The following NCAM1 variants were observed in gnomAD, a reference collection of about 807,000 sequenced individuals.
The protein encoded by NCAM1 is antigen recognized by monoclonal antibody 5.1H11.
In NCAM1, 14 loss-of-function variants were observed where a neutral mutation model predicts 109.8. That is an observed-to-expected ratio of 0.13 (90% CI 0.08 to 0.20). The LOEUF (loss-of-function observed/expected upper bound fraction) is 0.20, where lower values mean the gene tolerates loss of function less well. Ranked by LOEUF, NCAM1 falls within the 10% of genes least tolerant of loss-of-function variation. The probability of loss-of-function intolerance (pLI) is 1.00; values close to 1 mark genes in which losing one functional copy is unlikely to be tolerated. For synonymous variants in NCAM1, 418 were observed against 442.9 expected (o/e 0.94, Z 0.70); for missense variants, 774 against 1,109.9 (o/e 0.70, Z 4.30).
intron 1 of NCAM1, among the ~76,000 whole-genome samples, chr11:113,108,437 T>C (rs1038954039): frequency 1.3e-5 from 2 of 152,194 alleles, no homozygotes; most frequent in Non-Finnish European, 1.5e-5. Context: ...GGTAATTGCT[T>C]TCCCAGATTT....
intron 1 of NCAM1, among the ~76,000 whole-genome samples, chr11:113,164,778 A>G (rs903508067): frequency 6.6e-6 from 1 of 152,010 alleles, no homozygotes; most frequent in African/African-American, 2.4e-5. Flanking sequence ...CACTTCAGAG[A>G]TTTTTATGGA....
chr11:113,011,913 T>A (rs918733263), intron 1 of NCAM1, among the ~76,000 whole-genome samples: 12 of 150,710 alleles, frequency 8.0e-5, no homozygotes, highest in African/African-American at 1.5e-4. Flanking sequence ...GAAAAAAAAA[T>A]TTCTTTTCTT....
chr11:112,982,076 C>T (rs1951168912), intron 1 of NCAM1, among the ~76,000 whole-genome samples: 1 of 151,886 alleles, frequency 6.6e-6, no homozygotes, highest in Non-Finnish European at 1.5e-5. Context: ...AATTGGGATG[C>T]ACTTCCCTAT....
At chr11:112,967,888 A>G in intron 1 of NCAM1, among the ~76,000 whole-genome samples, 1 of 152,216 alleles carries the variant, frequency 6.6e-6, no homozygotes, top group East Asian at 1.9e-4. Flanking sequence ...CCTGAAGGGT[A>G]TATAATTTTG....
At chr11:113,114,820 A>G (rs1555094521) in intron 1 of NCAM1, among the ~76,000 whole-genome samples, 1 of 152,208 alleles carries the variant, frequency 6.6e-6, no homozygotes, top group Admixed American at 6.5e-5. Flanking sequence ...AACAGTTCCT[A>G]TCTCATGGAG....
chr11:113,264,932 TG>T, intron 17 of NCAM1: 1 of 985,738 alleles, frequency 1.0e-6, no homozygotes, highest in Non-Finnish European at 1.2e-6. Flanking sequence ...CCAGGAGTCC[TG>T]GAGACAGCAG....
chr11:113,225,332 T>C (rs1484029963), intron 9 of NCAM1, among the ~76,000 whole-genome samples: 1 of 152,170 alleles, frequency 6.6e-6, no homozygotes, highest in Admixed American at 6.5e-5. Context: ...AAAGGGTATC[T>C]TGATGGAAGA....
chr11:112,969,863 C>T (rs1238287782), intron 1 of NCAM1, among the ~76,000 whole-genome samples: 1 of 152,106 alleles, frequency 6.6e-6, no homozygotes, highest in Non-Finnish European at 1.5e-5. Context: ...TTAGTTCAAG[C>T]TGCGAAGAAA....
Position 113,232,821 on chromosome 11 carries a change from G to A in NCAM1, c.1522+7G>A, listed in dbSNP as rs1555117554. 2 of 1,607,208 alleles carry A rather than the reference G, an allele frequency of 1.2e-6. No individual in the cohort carries two copies. The highest frequency in any genetic ancestry group is 1.7e-6 in the Non-Finnish European group (2 of 1,173,816). Reference sequence around the variant, plus strand: ...TTCATCCTTGTTCAAGCAGGTGAGTGTCCCTTACTCACCTGAGAGCAGCTG... The same window carrying A: ...TTCATCCTTGTTCAAGCAGGTGAGTATCCCTTACTCACCTGAGAGCAGCTG... On this transcript the variant is annotated splice_region_variant and intron_variant, in intron 12 of 19. Transcript: ENST00000316851.
chr11:113,263,776 A>T, intron 17 of NCAM1: 2 of 985,534 alleles, frequency 2.0e-6, no homozygotes, highest in Non-Finnish European at 2.4e-6. Flanking sequence ...AGTCTACAGG[A>T]CAGGTTGGAA....
intron 1 of NCAM1, among the ~76,000 whole-genome samples, chr11:113,046,188 G>A (rs1431072806): frequency 6.6e-6 from 1 of 152,164 alleles, no homozygotes; most frequent in Admixed American, 6.5e-5. Context: ...TGTCCAGTAG[G>A]TTTCTTACTT....
Position 113,202,360 on chromosome 11 carries a change from T to C in NCAM1, c.53-19T>C. On this transcript the variant is annotated intron_variant, in intron 1 of 19. Transcript: ENST00000316851. ...TTTTTTTGTTTTTTGTTTTGTTTTG[T>C]TTTGTTTTGTTTTTTCAGTTTCTCT... is the stretch of plus-strand genomic sequence containing the variant. 1.9e-6 allele frequency: 3 copies of C among 1,607,436 alleles called. No individual in the cohort carries two copies. Among genetic ancestry groups the C allele is most frequent in the Non-Finnish European group, 8.5e-7 (1 of 1,177,242 alleles).
chr11:113,151,119 T>C (rs1212735601), intron 1 of NCAM1, among the ~76,000 whole-genome samples: 2 of 152,218 alleles, frequency 1.3e-5, no homozygotes, highest in African/African-American at 2.4e-5. Context: ...ATGAGCCACG[T>C]TGACATTCTG....
At chr11:113,082,257 C>T (rs1442901739) in intron 1 of NCAM1, among the ~76,000 whole-genome samples, 6 of 152,164 alleles carry the variant, frequency 3.9e-5, no homozygotes, top group African/African-American at 1.4e-4. Context: ...ACAGATTGTT[C>T]CCGCATACTC....
intron 15 of NCAM1, among the ~76,000 whole-genome samples, chr11:113,254,183 C>T (rs1214798159): frequency 2.6e-5 from 4 of 152,196 alleles, no homozygotes; most frequent in South Asian, 2.1e-4. Flanking sequence ...AATACCTTGA[C>T]GTGTCTAAAC....
chr11:113,263,766 A>G (rs1257561984), intron 17 of NCAM1: 16 of 985,418 alleles, frequency 1.6e-5, no homozygotes, highest in Non-Finnish European at 1.8e-5. Flanking sequence ...TTTGAGCATC[A>G]GTCTACAGGA....
intron 1 of NCAM1, among the ~76,000 whole-genome samples, chr11:113,150,755 G>C (rs1433914149): frequency 6.6e-6 from 1 of 152,196 alleles, no homozygotes; most frequent in Non-Finnish European, 1.5e-5. Context: ...GCATGCTCTG[G>C]AAACTGAAGC....
intron 1 of NCAM1, among the ~76,000 whole-genome samples, chr11:113,098,518 G>A (rs1939712431): frequency 1.3e-5 from 2 of 152,028 alleles, no homozygotes; most frequent in South Asian, 2.1e-4. Context: ...TAGAACCCAT[G>A]GATATGGCAG....
chr11:113,114,914 C>T (rs1555094544), intron 1 of NCAM1, among the ~76,000 whole-genome samples: 1 of 152,122 alleles, frequency 6.6e-6, no homozygotes, highest in African/African-American at 2.4e-5. Context: ...TCTCCTCTCC[C>T]CCACTGAAAA....
Sources: gnomAD v4.1 joint callset for allele counts (sites outside exome capture counted in the v4.1 genomes callset) on GRCh38, gnomAD v4.1.1 for gene constraint, MANE v1.5 for transcripts, NCBI Gene and HGNC (gene_info 2026-07-23, HGNC 2026-07-21) for gene names.